Variants in PTPRN2 observed in about 807,000 individuals in gnomAD.
The protein encoded by PTPRN2 is receptor-type tyrosine-protein phosphatase N2.
PTPRN2 carries 74 observed loss-of-function variants against 118.8 expected under a neutral mutation model. That is an observed-to-expected ratio of 0.62 (90% CI 0.52 to 0.76). PTPRN2 has a LOEUF of 0.76. Ranked by LOEUF, PTPRN2 falls within the 30% of genes least tolerant of loss-of-function variation. PTPRN2 has a pLI of 0.00. For missense variants in PTPRN2, 1,481 were observed against 1,394.4 expected (o/e 1.06, Z -0.99); for synonymous variants, 641 against 608.0 (o/e 1.05, Z -0.80).
intron 11 of PTPRN2, among the ~76,000 whole-genome samples, chr7:158,071,310 C>CT (rs1485894987): frequency 8.9e-5 from 8 of 89,630 alleles, no homozygotes; most frequent in Admixed American, 1.2e-4. Flanking sequence ...GGTGGAGGTG[C>CT]CCATGGTAGT....
At chr7:158,055,814 C>T (rs1016228156) in intron 11 of PTPRN2, among the ~76,000 whole-genome samples, 19 of 152,170 alleles carry the variant, frequency 1.2e-4, no homozygotes, top group African/African-American at 2.9e-4. Flanking sequence ...CCTGGCATTC[C>T]GGGCTACTAC....
chr7:158,393,913 CA>C (rs1408597398), intron 2 of PTPRN2, among the ~76,000 whole-genome samples: 1 of 152,064 alleles, frequency 6.6e-6, no homozygotes, highest in African/African-American at 2.4e-5. Context: ...CAATCAAACC[CA>C]AACCCCAAGG....
At chr7:158,376,338 G>C (rs1810504138) in intron 2 of PTPRN2, among the ~76,000 whole-genome samples, 1 of 149,784 alleles carries the variant, frequency 6.7e-6, no homozygotes, top group Non-Finnish European at 1.5e-5. Context: ...CACACGTCCT[G>C]CACGTGGGGT....
At chr7:158,487,528 G>A (rs1235078196) in intron 2 of PTPRN2, among the ~76,000 whole-genome samples, 2 of 152,058 alleles carry the variant, frequency 1.3e-5, no homozygotes, top group African/African-American at 2.4e-5. Context: ...CCTCTGTTGG[G>A]CTTTTAAAAA....
At position 158,410,964 on chromosome 7, in the gene PTPRN2, C is replaced by A. The variant is rs566608788; in HGVS notation, c.163+78771G>T. Among the ~76,000 whole-genome samples, 6 of 152,348 alleles carry A rather than the reference C, an allele frequency of 3.9e-5. No homozygotes were observed. The South Asian group carries it at 1.0e-3, about 26-fold the overall frequency. ...CCGGAGGGACAGGGTACACAAGCAC[C>A]CAGGTGACCCCAGACATGGAGCGTG... On this transcript the variant is annotated intron_variant, in intron 2 of 22. Coordinates refer to ENST00000389418, the MANE Select transcript of PTPRN2 (RefSeq NM_002847.5).
intron 17 of PTPRN2, 133 bp from the exon 18 acceptor site, chr7:157,578,273 G>A (rs553771151): frequency 2.7e-6 from 3 of 1,116,890 alleles, no homozygotes; most frequent in Middle Eastern, 2.1e-4. Flanking sequence ...CATCAGACAT[G>A]TTTACTCCGC....
At chr7:158,368,105 G>A (rs1809671853) in intron 2 of PTPRN2, among the ~76,000 whole-genome samples, 1 of 152,174 alleles carries the variant, frequency 6.6e-6, no homozygotes, top group African/African-American at 2.4e-5. Flanking sequence ...AGGCTTTACT[G>A]TCCACACCAC....
chr7:158,074,746 G>A (rs1014075648), intron 11 of PTPRN2, among the ~76,000 whole-genome samples: 2 of 152,148 alleles, frequency 1.3e-5, no homozygotes, highest in Admixed American at 6.5e-5. Context: ...AGTTGGAGGG[G>A]GGCCAGGTGC....
intron 11 of PTPRN2, among the ~76,000 whole-genome samples, chr7:157,983,400 T>C (rs1354972889): frequency 1.5e-4 from 21 of 136,360 alleles, no homozygotes; most frequent in African/African-American, 6.0e-4. Flanking sequence ...GAGTACTGGG[T>C]TCCCCCCTAA....
At position 157,881,852 on chromosome 7, in the gene PTPRN2, G is replaced by C. The variant is rs1796149553; in HGVS notation, c.1788+16821C>G. Among the ~76,000 whole-genome samples, 1 of 152,118 alleles carries C rather than the reference G, an allele frequency of 6.6e-6. No individual in the cohort carries two copies. Among genetic ancestry groups the C allele is most frequent in the South Asian group, 2.1e-4 (1 of 4,830 alleles). On this transcript the variant is annotated intron_variant, in intron 12 of 22. Coordinates refer to ENST00000389418, the MANE Select transcript of PTPRN2 (RefSeq NM_002847.5). The surrounding 1 kb of genome is among the most constrained non-coding windows in gnomAD (Gnocchi z 4.7). ...TCACAGGAATGAAAGTGAAGGTAAA[G>C]TTTGTGCCTGTAAACTACTAAAGAG...
chr7:157,671,530 C>T lies in PTPRN2; in HGVS notation c.2001+11195G>A, dbSNP rs886612495. On this transcript the variant is annotated intron_variant, in intron 13 of 22. Coordinates refer to ENST00000389418, the MANE Select transcript of PTPRN2 (RefSeq NM_002847.5). This position sits in a 1 kb window ranked among gnomAD's most constrained non-coding sequence, Gnocchi z 4.1. ...TGCAGGGATAAAGTGGGAGGGGGGG[C>T]GGTGCAACGGAGGGAGCCGGGCAAA... is the stretch of plus-strand genomic sequence containing the variant. Among the ~76,000 whole-genome samples, 10 of 150,824 alleles carry T rather than the reference C, an allele frequency of 6.6e-5. No individual in the cohort carries two copies. The highest frequency in any genetic ancestry group is 1.0e-4 in the Non-Finnish European group (7 of 67,786).
chr7:158,158,819 G>A lies in PTPRN2; in HGVS notation c.910+8112C>T, dbSNP rs370454882. Among the ~76,000 whole-genome samples, 18 of 107,510 alleles carry A rather than the reference G, an allele frequency of 1.7e-4. No homozygotes were observed. In the East Asian group the frequency reaches 2.8e-3, roughly 17 times the overall value. 70.5% of individuals were successfully genotyped at this position (107,510 alleles called of 152,430 possible). On this transcript the variant is annotated intron_variant, in intron 6 of 22. Coordinates refer to ENST00000389418, the MANE Select transcript of PTPRN2 (RefSeq NM_002847.5). ...GCTTCCTGAATGAATGAGTGAACGCGGGAGAATCAGGAGCCCGTGTGATTG... is the reference window on the plus strand; with the variant it reads ...GCTTCCTGAATGAATGAGTGAACGCAGGAGAATCAGGAGCCCGTGTGATTG...
intron 11 of PTPRN2, among the ~76,000 whole-genome samples, chr7:157,946,800 G>A (rs1340433018): frequency 2.0e-5 from 3 of 152,218 alleles, no homozygotes; most frequent in South Asian, 2.1e-4. Context: ...GTGAGAGAAC[G>A]GGACAGTAAG....
At chr7:157,860,705 T>C (rs955747231) in intron 12 of PTPRN2, among the ~76,000 whole-genome samples, 3 of 152,272 alleles carry the variant, frequency 2.0e-5, no homozygotes, top group African/African-American at 4.8e-5. Flanking sequence ...AATTAGATGA[T>C]AGAGCTAGAC....
chr7:157,584,352 TC>T (rs1442417858), intron 17 of PTPRN2, among the ~76,000 whole-genome samples: 1 of 152,202 alleles, frequency 6.6e-6, no homozygotes, highest in African/African-American at 2.4e-5. Flanking sequence ...AGTTACCTTT[TC>T]TACCCTCCAT....
chr7:157,620,865 C>T (rs946044672), intron 15 of PTPRN2, among the ~76,000 whole-genome samples: 39 of 152,226 alleles, frequency 2.6e-4, no homozygotes, highest in Non-Finnish European at 3.7e-4. Context: ...CTGTTTCCCC[C>T]GCCTGTAACC....
chr7:158,370,075 A>G (rs952263659), intron 2 of PTPRN2, among the ~76,000 whole-genome samples: 1 of 152,128 alleles, frequency 6.6e-6, no homozygotes, highest in East Asian at 1.9e-4. Flanking sequence ...CGAGGTGATC[A>G]ACACTGCAGG....
chr7:158,196,144 G>A (rs1440711738), intron 4 of PTPRN2, among the ~76,000 whole-genome samples: 3 of 152,194 alleles, frequency 2.0e-5, no homozygotes, highest in African/African-American at 7.2e-5. Context: ...GTCAGATACT[G>A]TTTGCTCTCA....
intron 11 of PTPRN2, among the ~76,000 whole-genome samples, chr7:158,071,748 A>ATTGTGGAGGTGCCCGTGG (rs1811827275): frequency 3.7e-5 from 1 of 27,158 alleles, no homozygotes; most frequent in African/African-American, 1.6e-4. Flanking sequence ...GGAGGTGCTC[A>ATTGTGGAGGTGCCCGTGG]TGGTGGAGGT....
Sources: allele counts gnomAD v4.1 joint callset (sites outside exome capture counted in the v4.1 genomes callset), GRCh38; gene constraint gnomAD v4.1.1; non-coding constraint Gnocchi (gnomAD v3.1); transcripts MANE v1.5; gene names NCBI Gene and HGNC (gene_info 2026-07-23, HGNC 2026-07-21).